IGF1R: variants seen among roughly 807,000 people sequenced by gnomAD.
IGF1R encodes insulin-like growth factor 1 receptor.
IGF1R carries 44 observed loss-of-function variants against 144.6 expected under a neutral mutation model. The ratio of observed to expected loss-of-function variants is 0.30; its 90% confidence interval spans 0.24 to 0.39. The LOEUF (loss-of-function observed/expected upper bound fraction) is 0.39. Ranked by LOEUF, IGF1R falls within the 10% of genes least tolerant of loss-of-function variation. The pLI is 1.00. For missense variants in IGF1R, 1,355 were observed against 1,833.7 expected (o/e 0.74, Z 4.77); for synonymous variants, 795 against 722.8 (o/e 1.10, Z -1.60).
intron 20 of IGF1R, among the ~76,000 whole-genome samples, chr15:98,949,258 A>G (rs964895836): frequency 9.9e-5 from 15 of 152,116 alleles, no homozygotes; most frequent in African/African-American, 3.6e-4. Flanking sequence ...GTCATAAACC[A>G]TCTAAGTAAC....
chr15:98,820,202 C>CAT lies in IGF1R; in HGVS notation c.641-71105_641-71104dup, dbSNP rs3076066. Among the ~76,000 whole-genome samples, 538 of 149,470 alleles carry CAT rather than the reference C, an allele frequency of 3.6e-3. 6 individuals are homozygous for CAT. Among genetic ancestry groups the CAT allele is most frequent in the African/African-American group, 0.011 (441 of 40,982 alleles). ...CTTGTGGAATTGCTGATGCTATTTT[C>CAT]ATATATATATATATATATAATTCTA... On this transcript the variant is annotated intron_variant, in intron 2 of 20. Coordinates refer to ENST00000650285, the MANE Select transcript of IGF1R (RefSeq NM_000875.5).
chr15:98,861,904 G>A (rs1054187276), intron 2 of IGF1R, among the ~76,000 whole-genome samples: 3 of 152,182 alleles, frequency 2.0e-5, no homozygotes, highest in Non-Finnish European at 4.4e-5. Context: ...ATAATGCTGG[G>A]AACACAAAAT....
Position 98,935,486 on chromosome 15 carries a change from A to G in IGF1R, c.3297+60A>G. On this transcript the variant is annotated intron_variant, in intron 17 of 20. Transcript: ENST00000650285. This position sits in a 1 kb window ranked among gnomAD's most constrained non-coding sequence, Gnocchi z 4.2. ...CTGGCCTGCTCTCTTTTCCTTTATAATCTCCCTGCAAGGAAATGCTGTGTC... is the reference window on the plus strand; with the variant it reads ...CTGGCCTGCTCTCTTTTCCTTTATAGTCTCCCTGCAAGGAAATGCTGTGTC... 4 of 921,236 alleles carry G rather than the reference A, an allele frequency of 4.3e-6. No homozygotes were observed. The highest frequency in any genetic ancestry group is 2.6e-5 in the East Asian group (1 of 38,110). 57.1% of individuals were successfully genotyped at this position (921,236 alleles called of 1,614,324 possible).
intron 1 of IGF1R, among the ~76,000 whole-genome samples, chr15:98,657,492 A>G (rs2052513462): frequency 6.6e-6 from 1 of 152,170 alleles, no homozygotes; most frequent in South Asian, 2.1e-4. Flanking sequence ...TTTTAGTGGG[A>G]TAATACACAA....
In IGF1R at chr15:98,881,575, G is replaced by A. The variant is rs529189617; in HGVS notation, c.641-9750G>A. Among the ~76,000 whole-genome samples, 274 of 152,236 alleles carry A rather than the reference G, an allele frequency of 1.8e-3. 7 individuals carry two copies. Among genetic ancestry groups the A allele is most frequent in the Non-Finnish European group, 3.2e-4 (22 of 68,014 alleles). On this transcript the variant is annotated intron_variant, in intron 2 of 20. Transcript: ENST00000650285. ...TGACCTCAGGTGATCCACCCGTCTC[G>A]GCCTTCCAAAGTGCTGGGATTACAG...
intron 1 of IGF1R, among the ~76,000 whole-genome samples, chr15:98,666,025 C>T (rs2141186454): frequency 6.6e-6 from 1 of 152,324 alleles, no homozygotes; most frequent in African/African-American, 2.4e-5. Flanking sequence ...AAGGATACTA[C>T]TGTTTGCTTT....
intron 6 of IGF1R, among the ~76,000 whole-genome samples, 164 bp from the exon 7 acceptor site, chr15:98,911,151 T>C (rs879542460): frequency 5.9e-5 from 9 of 152,126 alleles, no homozygotes; most frequent in Non-Finnish European, 7.3e-5. Context: ...CATAGTGAAA[T>C]GTATGATTTC....
intron 2 of IGF1R, among the ~76,000 whole-genome samples, chr15:98,709,243 G>A (rs554421633): frequency 2.6e-4 from 40 of 152,378 alleles, no homozygotes; most frequent in Admixed American, 2.2e-3. Flanking sequence ...GGGGTGAAGT[G>A]TGTAAAGTAA....
intron 2 of IGF1R, among the ~76,000 whole-genome samples, chr15:98,864,226 G>T (rs116890153): frequency 0.013 from 1,934 of 152,282 alleles, 18 homozygotes; most frequent in Middle Eastern, 0.027. Context: ...CTGCTCTCCA[G>T]CCTGGACAAC....
Position 98,964,108 on chromosome 15 carries a change from T to G in IGF1R, c.*6666T>G, listed in dbSNP as rs1327216582. On this transcript the variant is annotated 3_prime_UTR_variant, in exon 21 of 21. Transcript: ENST00000650285. The stretch of plus-strand genomic sequence containing the variant: ...AGAGGTTTGCCAGAGTTTGTCTACC[T>G]CTGGGTATCCCTTTGTCTGGGATAA... 8.6e-6 allele frequency: 2 copies of G among 232,958 alleles called. No homozygotes were observed. The allele number at this position is 232,958 out of a possible 1,614,324, so 14.4% of individuals were successfully genotyped here.
At chr15:98,687,273 A>T (rs973855373) in intron 1 of IGF1R, among the ~76,000 whole-genome samples, 16 of 152,156 alleles carry the variant, frequency 1.1e-4, no homozygotes, top group African/African-American at 3.9e-4. Context: ...AAATGAGTGC[A>T]GTTGGGGTCC....
intron 2 of IGF1R, among the ~76,000 whole-genome samples, chr15:98,782,061 C>T (rs750162905): frequency 6.6e-5 from 10 of 152,020 alleles, no homozygotes; most frequent in African/African-American, 9.7e-5. Context: ...CTCCTGACTC[C>T]GGTGATCCTC....
chr15:98,922,364 C>T lies in IGF1R; in HGVS notation c.2418C>T (p.Cys806=). The change falls in exon 11 of 21, where the codon TGC becomes TGT. Residue 806 remains cysteine, a synonymous_variant. Transcript: ENST00000650285. ...FTLYRIDIHS[C]NHEAEKLGCS... ...TGTACCGCATCGATATCCACAGCTGCAACCACGAGGCTGAGAAGCTGGGCT... is the reference window on the plus strand; with the variant it reads ...TGTACCGCATCGATATCCACAGCTGTAACCACGAGGCTGAGAAGCTGGGCT... The T allele has an allele frequency of 6.2e-7, 1 of 1,614,196 alleles. No homozygotes were observed. The highest frequency in any genetic ancestry group is 8.5e-7 in the Non-Finnish European group (1 of 1,180,038).
At chr15:98,758,840 C>T (rs981587688) in intron 2 of IGF1R, among the ~76,000 whole-genome samples, 4 of 152,190 alleles carry the variant, frequency 2.6e-5, no homozygotes, top group African/African-American at 9.7e-5. Context: ...TTTATTCAGG[C>T]CACTGTCTTC....
At chr15:98,788,473 G>A (rs1053502949) in intron 2 of IGF1R, among the ~76,000 whole-genome samples, 3 of 152,178 alleles carry the variant, frequency 2.0e-5, no homozygotes, top group Admixed American at 1.3e-4. Flanking sequence ...ACTTACCCAA[G>A]GTGCAGCAAC....
At chr15:98,894,362 T>C (rs1235896637) in intron 3 of IGF1R, among the ~76,000 whole-genome samples, 5 of 152,250 alleles carry the variant, frequency 3.3e-5, no homozygotes, top group Admixed American at 2.0e-4. Context: ...CACAAAAATA[T>C]GTACACCATC....
At chr15:98,706,347 T>C (rs2053862432) in intron 1 of IGF1R, among the ~76,000 whole-genome samples, 1 of 152,246 alleles carries the variant, frequency 6.6e-6, no homozygotes, top group Admixed American at 6.5e-5. Flanking sequence ...CTAAAAAAGG[T>C]TATCACAAAG....
chr15:98,948,768 T>A, intron 20 of IGF1R, 60 bp downstream of exon 20: 1 of 1,583,056 alleles, frequency 6.3e-7, no homozygotes, highest in Non-Finnish European at 8.7e-7. Context: ...ACCTGTTTTC[T>A]TGGGTCACAG....
chr15:98,743,566 AAAT>A (rs1329980396), intron 2 of IGF1R, among the ~76,000 whole-genome samples: 3 of 152,182 alleles, frequency 2.0e-5, no homozygotes, highest in Admixed American at 6.5e-5. Flanking sequence ...GAAGGAAAAG[AAAT>A]AATGTGGAAA....
Sources: allele counts gnomAD v4.1 joint callset (sites outside exome capture counted in the v4.1 genomes callset), GRCh38; gene constraint gnomAD v4.1.1; non-coding constraint Gnocchi (gnomAD v3.1); transcripts MANE v1.5; gene names NCBI Gene and HGNC (gene_info 2026-07-23, HGNC 2026-07-21).